LRRFIP1: variants seen among roughly 807,000 people sequenced by gnomAD.
LRRFIP1 encodes leucine-rich repeat flightless-interacting protein 1.
In LRRFIP1, 62 loss-of-function variants were observed where a neutral mutation model predicts 104.4. The observed-to-expected ratio is 0.59, with a 90% CI of 0.48 to 0.73. LRRFIP1 has a LOEUF of 0.73. Among genes scored for constraint, LRRFIP1 ranks in the 30% least tolerant of loss-of-function variants. The pLI, the probability that LRRFIP1 is intolerant of heterozygous loss-of-function variation, is 0.00. For missense variants in LRRFIP1, 796 were observed against 824.5 expected, an observed-to-expected ratio of 0.97 and a Z score of 0.42; for synonymous variants, 300 against 299.0, an observed-to-expected ratio of 1.00 and a Z score of -0.03.
At chr2:237,753,280 A>G in intron 14 of LRRFIP1, 29 bp from the exon 15 acceptor site, 2 of 1,538,880 alleles carry the variant, frequency 1.3e-6, no homozygotes, top group Non-Finnish European at 1.7e-6. Flanking sequence ...TTTTATTGCA[A>G]TTTCAAAAAT....
At position 237,720,945 on chromosome 2, in the gene LRRFIP1, G is replaced by A. The variant is rs181789374; in HGVS notation, c.345+123G>A. On this transcript the variant is annotated intron_variant, in intron 6 of 23. Coordinates refer to ENST00000308482, the MANE Select transcript of LRRFIP1 (RefSeq NM_001137550.2). ...GTGGTCTGATAGTCAATATTTAACC[G>A]ATGAGATGCTTACTTAAAATCAAAT... is the stretch of plus-strand genomic sequence containing the variant. The A allele has an allele frequency of 1.9e-4, 152 of 805,930 alleles. 1 individual carries two copies. In the East Asian group the frequency reaches 2.8e-3, roughly 15 times the overall value. 49.9% of individuals were successfully genotyped at this position (805,930 alleles called of 1,614,324 possible). A position where few individuals can be genotyped will look rare whatever the true frequency, so the allele number is the denominator to read the frequency against.
chr2:237,729,829 GGGA>G (rs1329547151), intron 8 of LRRFIP1: 2 of 985,368 alleles, frequency 2.0e-6, no homozygotes, highest in African/African-American at 1.7e-5. Flanking sequence ...TCATCATCCA[GGGA>G]GGAGAAGTTG....
chr2:237,775,958 GATTTTATTTT>G (rs1286345592), intron 23 of LRRFIP1, among the ~76,000 whole-genome samples: 1 of 151,218 alleles, frequency 6.6e-6, no homozygotes, highest in Non-Finnish European at 1.5e-5. Context: ...TATTTTATTT[GATTTTATTTT>G]ATTTATTTAT....
intron 14 of LRRFIP1, among the ~76,000 whole-genome samples, chr2:237,753,041 A>G (rs1326497859): frequency 6.6e-6 from 1 of 152,218 alleles, no homozygotes; most frequent in Non-Finnish European, 1.5e-5. Context: ...CTGTGACCAC[A>G]TCCCTTTCCA....
chr2:237,634,548 G>A (rs2082829479), intron 1 of LRRFIP1, among the ~76,000 whole-genome samples: 1 of 152,210 alleles, frequency 6.6e-6, no homozygotes, highest in Non-Finnish European at 1.5e-5. Context: ...AGTTTTAGGA[G>A]TATACTTCAC....
intron 5 of LRRFIP1, among the ~76,000 whole-genome samples, chr2:237,719,994 C>T (rs1242822485): frequency 2.2e-5 from 3 of 136,668 alleles, no homozygotes; most frequent in Non-Finnish European, 4.5e-5. Flanking sequence ...GTCACCCAGG[C>T]TAGAATGCAG....
At chr2:237,764,018 C>T (rs1468882160) in intron 19 of LRRFIP1, 1 of 1,614,188 alleles carries the variant, frequency 6.2e-7, no homozygotes, top group Admixed American at 1.7e-5. Context: ...CAGCAATAGC[C>T]TAGAGAACGA....
chr2:237,775,491 T>C (rs181455955), intron 23 of LRRFIP1, among the ~76,000 whole-genome samples: 21 of 152,316 alleles, frequency 1.4e-4, no homozygotes, highest in Admixed American at 1.3e-3. Flanking sequence ...TGGGAGCTAC[T>C]GCAGGGTTTT....
At chr2:237,693,995 G>A (rs1444454382) in intron 1 of LRRFIP1, among the ~76,000 whole-genome samples, 1 of 152,198 alleles carries the variant, frequency 6.6e-6, no homozygotes, top group Non-Finnish European at 1.5e-5. Context: ...ATCAGCCCAG[G>A]CCCACTGTCC....
intron 19 of LRRFIP1, among the ~76,000 whole-genome samples, chr2:237,760,606 G>C (rs1311821785): frequency 6.6e-6 from 1 of 152,214 alleles, no homozygotes; most frequent in Non-Finnish European, 1.5e-5. Flanking sequence ...CAAAAGATCA[G>C]AATGGTTGAG....
chr2:237,764,116 C>G, intron 19 of LRRFIP1: 1 of 1,614,170 alleles, frequency 6.2e-7, no homozygotes. Flanking sequence ...AGGGCAAAAG[C>G]AAAGAAGACT....
chr2:237,733,401 T>C (rs2095101411), intron 8 of LRRFIP1, among the ~76,000 whole-genome samples: 1 of 152,212 alleles, frequency 6.6e-6, no homozygotes, highest in African/African-American at 2.4e-5. Flanking sequence ...TACTGCCAAG[T>C]GTGTCGTTAA....
At chr2:237,704,471 C>T (rs565758841) in intron 1 of LRRFIP1, among the ~76,000 whole-genome samples, 2 of 152,240 alleles carry the variant, frequency 1.3e-5, no homozygotes, top group East Asian at 3.9e-4. Context: ...CGGATTTTCT[C>T]TCAGGCATCT....
chr2:237,756,653 G>A (rs2150756682), intron 16 of LRRFIP1, among the ~76,000 whole-genome samples: 1 of 152,288 alleles, frequency 6.6e-6, no homozygotes, highest in African/African-American at 2.4e-5. Context: ...TGAGAGTTTA[G>A]GCTAACTCTC....
chr2:237,731,033 G>A (rs2094980954), intron 8 of LRRFIP1, among the ~76,000 whole-genome samples: 1 of 152,276 alleles, frequency 6.6e-6, no homozygotes, highest in South Asian at 2.1e-4. Flanking sequence ...GAGCAGAGCA[G>A]AGGCCGCGCA....
intron 1 of LRRFIP1, among the ~76,000 whole-genome samples, chr2:237,696,075 A>T (rs1168911093): frequency 6.6e-6 from 1 of 152,174 alleles, no homozygotes; most frequent in East Asian, 1.9e-4. Context: ...TCTCCTTGGG[A>T]TTGTAACTTT....
intron 15 of LRRFIP1, among the ~76,000 whole-genome samples, chr2:237,755,603 A>G (rs3820806): frequency 0.33 from 49,716 of 152,102 alleles, 9,023 homozygotes; most frequent in East Asian, 0.53. Flanking sequence ...ATCAGGCATC[A>G]TCTATAAAGT....
chr2:237,749,369 A>G, intron 13 of LRRFIP1, 45 bp downstream of exon 13: 1 of 1,603,326 alleles, frequency 6.2e-7, no homozygotes, highest in Non-Finnish European at 8.5e-7. Flanking sequence ...AACCTTTTGT[A>G]AAAATCAGTC....
intron 19 of LRRFIP1, chr2:237,768,133 C>T (rs922576984): frequency 4.6e-5 from 7 of 152,160 alleles, no homozygotes; most frequent in Non-Finnish European, 8.8e-5. Context: ...TTTAACGCTA[C>T]GAAAACTAGT....
Sources: allele counts gnomAD v4.1 joint callset (sites outside exome capture counted in the v4.1 genomes callset), GRCh38; gene constraint gnomAD v4.1.1; transcripts MANE v1.5; gene names NCBI Gene and HGNC (gene_info 2026-07-23, HGNC 2026-07-21).